The following CTNND2 variants were observed in gnomAD, a reference collection of about 807,000 sequenced individuals.
The protein encoded by CTNND2 is catenin delta-2.
CTNND2 carries 22 observed loss-of-function variants against 144.4 expected under a neutral mutation model. That is an observed-to-expected ratio of 0.15 (90% CI 0.11 to 0.22). The LOEUF is 0.22. CTNND2 is among the 10% of genes least tolerant of loss of function. The pLI is 1.00. For synonymous variants in CTNND2, 751 were observed against 695.6 expected (o/e 1.08, Z -1.25); for missense variants, 1,353 against 1,618.8 (o/e 0.84, Z 2.82).
At chr5:11,069,530 C>T (rs1354380462) in intron 16 of CTNND2, among the ~76,000 whole-genome samples, 4 of 151,912 alleles carry the variant, frequency 2.6e-5, no homozygotes, top group Admixed American at 2.0e-4. Flanking sequence ...AGAAATGGTA[C>T]ATATTGAGGA....
intron 2 of CTNND2, among the ~76,000 whole-genome samples, chr5:11,668,438 C>G (rs1783692822): frequency 6.6e-6 from 1 of 152,080 alleles, no homozygotes; most frequent in African/African-American, 2.4e-5. Flanking sequence ...CTCTTATTTC[C>G]TTGAGCAGTG....
intron 3 of CTNND2, among the ~76,000 whole-genome samples, chr5:11,456,293 T>C (rs1765727451): frequency 6.6e-6 from 1 of 151,578 alleles, no homozygotes; most frequent in Non-Finnish European, 1.5e-5. Context: ...CATATAATTT[T>C]TTTTTCTTTT....
intron 2 of CTNND2, among the ~76,000 whole-genome samples, chr5:11,725,166 C>T (rs1325741453): frequency 6.6e-6 from 1 of 152,146 alleles, no homozygotes; most frequent in Non-Finnish European, 1.5e-5. Context: ...GATGGGCTGC[C>T]TCAGGCATGT....
At chr5:11,364,400 G>A (rs61750673) in intron 8 of CTNND2, among the ~76,000 whole-genome samples, 1 of 152,154 alleles carries the variant, frequency 6.6e-6, no homozygotes, top group Admixed American at 6.5e-5. Context: ...GATTCATTAC[G>A]TAAGTGAATA....
intron 1 of CTNND2, among the ~76,000 whole-genome samples, chr5:11,767,177 G>A (rs1337216598): frequency 6.6e-6 from 1 of 152,170 alleles, no homozygotes; most frequent in Non-Finnish European, 1.5e-5. Flanking sequence ...CACATGTGAG[G>A]GGCACAGATA....
At chr5:11,185,090 T>A (rs914436632) in intron 11 of CTNND2, among the ~76,000 whole-genome samples, 1 of 152,216 alleles carries the variant, frequency 6.6e-6, no homozygotes, top group African/African-American at 2.4e-5. Context: ...TTTGCCCCTG[T>A]AACCTTCGTG....
rs116278976 is a variant in CTNND2 at position 11,069,064 on chromosome 5, G to A, written c.2788+13632C>T. On this transcript the variant is annotated intron_variant, in intron 16 of 21. Transcript: ENST00000304623. ...TCTAGCAGAACAGTAACTACGCAAC[G>A]TGTATCTTCATCACAACATTAATAC... Among the ~76,000 whole-genome samples the A allele has an allele frequency of 5.4e-3, 817 of 152,316 alleles. 6 individuals are homozygous for A. Among genetic ancestry groups the A allele is most frequent in the African/African-American group, 0.015 (615 of 41,572 alleles).
chr5:11,346,530 G>A lies in CTNND2; in HGVS notation c.1470C>T (p.Ser490=). The change falls in exon 9 of 22, where the codon AGC becomes AGT. Residue 490 remains serine (S), a synonymous_variant. Coordinates refer to ENST00000304623, the MANE Select transcript of CTNND2 (RefSeq NM_001332.4). Reference sequence around the variant, plus strand: ...AATTGGAGGCTGGGCCGGCGGCATAGCTGGCCCTCTGGAAGGTGGCCGCGG... The same window carrying A: ...AATTGGAGGCTGGGCCGGCGGCATAACTGGCCCTCTGGAAGGTGGCCGCGG... ...NAAAATFQRA[S]YAAGPASNYA... The A allele has an allele frequency of 6.2e-7, 1 of 1,605,326 alleles. No homozygotes were observed. The highest frequency in any genetic ancestry group is 8.5e-7 in the Non-Finnish European group (1 of 1,176,188).
chr5:11,616,741 G>C (rs1780601383), intron 2 of CTNND2, among the ~76,000 whole-genome samples: 1 of 152,020 alleles, frequency 6.6e-6, no homozygotes, highest in Admixed American at 6.6e-5. Context: ...TGAGTAGCTG[G>C]GATTACAGGC....
chr5:11,663,845 C>T (rs57393162), intron 2 of CTNND2, among the ~76,000 whole-genome samples: 1,798 of 152,108 alleles, frequency 0.012, 28 homozygotes, highest in African/African-American at 0.042. Context: ...GTATTCATAG[C>T]TAATAGCATT....
intron 2 of CTNND2, among the ~76,000 whole-genome samples, chr5:11,609,872 TAGTC>T (rs1780231676): frequency 6.6e-6 from 1 of 152,218 alleles, no homozygotes; most frequent in Admixed American, 6.5e-5. Context: ...TTCTTCCACT[TAGTC>T]AGGCTCTACT....
At chr5:11,392,013 C>G (rs752190685) in intron 6 of CTNND2, among the ~76,000 whole-genome samples, 6 of 152,324 alleles carry the variant, frequency 3.9e-5, no homozygotes, top group African/African-American at 1.4e-4. Context: ...AAACCACCCT[C>G]GCTGCTTTCT....
chr5:11,133,540 T>C (rs1326532283), intron 12 of CTNND2, among the ~76,000 whole-genome samples: 1 of 151,708 alleles, frequency 6.6e-6, no homozygotes, highest in Non-Finnish European at 1.5e-5. Flanking sequence ...TTAGTAGTGA[T>C]AAGGTTTCTC....
intron 1 of CTNND2, among the ~76,000 whole-genome samples, chr5:11,856,554 G>C (rs1795259196): frequency 6.6e-6 from 1 of 152,188 alleles, no homozygotes; most frequent in Admixed American, 6.5e-5. Context: ...GTCCAGAAAA[G>C]AGAGGTGGGA....
intron 2 of CTNND2, among the ~76,000 whole-genome samples, chr5:11,595,577 T>C (rs948066745): frequency 6.6e-5 from 10 of 152,116 alleles, no homozygotes; most frequent in Admixed American, 1.3e-4. Context: ...ACAAAATCAT[T>C]TCAGAAGTAG....
chr5:10,978,752 A>C (rs933008068), intron 21 of CTNND2, among the ~76,000 whole-genome samples: 10 of 152,112 alleles, frequency 6.6e-5, no homozygotes, highest in Non-Finnish European at 1.5e-4. Flanking sequence ...TTGGTGTTTC[A>C]CTCTGAGACT....
intron 2 of CTNND2, among the ~76,000 whole-genome samples, chr5:11,601,693 C>T (rs1321232801): frequency 6.6e-6 from 1 of 152,060 alleles, no homozygotes; most frequent in East Asian, 1.9e-4. Context: ...CATAAATTAT[C>T]ACTTTTGATC....
intron 16 of CTNND2, among the ~76,000 whole-genome samples, chr5:11,040,776 TA>T (rs984311258): frequency 2.6e-5 from 4 of 152,248 alleles, no homozygotes; most frequent in Non-Finnish European, 5.9e-5. Context: ...TAACAGGATT[TA>T]AATAATTTGA....
chr5:11,385,098 GGC>G lies in CTNND2; in HGVS notation c.742_743del (p.Ala248ArgfsTer177). On this transcript the variant is annotated frameshift_variant, in exon 7 of 22. Coordinates refer to ENST00000304623, the MANE Select transcript of CTNND2 (RefSeq NM_001332.4). LOFTEE classifies it high-confidence loss of function. The stretch of plus-strand genomic sequence containing the variant: ...AGCTGGAGTAGTAGAGCGCGGCGGC[GGC>G]GGCGGCGGGCGGCGCGTCGGGCAGG... ...FHLPDAPPAA[A>X]AAALYYSSST... is the part of the protein sequence containing the mutation. The G allele has an allele frequency of 9.7e-7, 1 of 1,032,204 alleles. No homozygotes were observed. The highest frequency in any genetic ancestry group is 1.2e-6 in the Non-Finnish European group (1 of 862,780). 63.9% of individuals were successfully genotyped at this position (1,032,204 alleles called of 1,614,324 possible).
Sources: allele counts gnomAD v4.1 joint callset (sites outside exome capture counted in the v4.1 genomes callset), GRCh38; gene constraint gnomAD v4.1.1; transcripts MANE v1.5; gene names NCBI Gene and HGNC (gene_info 2026-07-23, HGNC 2026-07-21).